Variants in SNED1 observed in about 807,000 individuals in gnomAD.
SNED1 encodes sushi, nidogen and EGF-like domain-containing protein 1.
A neutral mutation model predicts 166.7 loss-of-function variants in SNED1; 81 were observed. The ratio of observed to expected loss-of-function variants is 0.49; its 90% CI spans 0.41 to 0.58. The LOEUF is 0.58. Ranked by LOEUF, SNED1 falls within the 20% of genes least tolerant of loss-of-function variation. The pLI is 0.00. For synonymous variants in SNED1, 762 were observed against 822.0 expected (o/e 0.93, Z 1.25); for missense variants, 1,604 against 2,000.2 (o/e 0.80, Z 3.78).
Position 241,052,069 on chromosome 2 carries a change from C to T in SNED1, c.1881C>T (p.Pro627=). Residue 627 remains proline, a synonymous_variant, in exon 14 of 32, where the codon CCC becomes CCT. Coordinates refer to ENST00000310397, the MANE Select transcript of SNED1 (RefSeq NM_001080437.3). The stretch of plus-strand genomic sequence containing the variant: ...AGCCAGACTCGTGTGCCTCTGGCCC[C>T]TGTCACAACGGCGGCACCTGCTTCC... The part of the protein sequence containing the change: ...IGKPDSCASG[P]CHNGGTCFHY... 6.2e-7 allele frequency: 1 copy of T among 1,613,946 alleles called. No individual in the cohort carries two copies. Among genetic ancestry groups the T allele is most frequent in the Non-Finnish European group, 8.5e-7 (1 of 1,179,864 alleles).
chr2:241,087,701 G>C (rs192541845), intron 30 of SNED1: 6 of 1,364,934 alleles, frequency 4.4e-6, no homozygotes, highest in African/African-American at 1.5e-5. Context: ...TGGGTGCTGG[G>C]GGGGGTCACT....
At position 241,040,373 on chromosome 2, in the gene SNED1, C is replaced by T; in HGVS notation, c.1233C>T (p.Cys411=). The change falls in exon 8 of 32, where the codon TGC becomes TGT. Residue 411 remains cysteine (C), a synonymous_variant. Coordinates refer to ENST00000310397, the MANE Select transcript of SNED1 (RefSeq NM_001080437.3). ...SCVDLVGNYT[C]LCAEPFKGLR... is the part of the protein sequence containing the mutation. Reference sequence around the variant, plus strand: ...TTGACCTAGTGGGGAATTACACCTGCTTGTGTGCCGAGCCCTTCAAGGGAC... The same window carrying T: ...TTGACCTAGTGGGGAATTACACCTGTTTGTGTGCCGAGCCCTTCAAGGGAC... 1 of 1,607,696 alleles carries T rather than the reference C, an allele frequency of 6.2e-7. No homozygotes were observed. The highest frequency in any genetic ancestry group is 8.5e-7 in the Non-Finnish European group (1 of 1,177,154).
At chr2:241,043,572 A>G (rs183510330) in intron 8 of SNED1, among the ~76,000 whole-genome samples, 2 of 152,220 alleles carry the variant, frequency 1.3e-5, no homozygotes, top group Admixed American at 1.3e-4. Flanking sequence ...GGATCTACAC[A>G]AAAGAATGAA....
rs144051198 is a variant in SNED1 at position 241,076,000 on chromosome 2, G to A, written c.3916+2636G>A. ...CATATAAAAGTAGAATTCTGGCGGC[G>A]TCAATTTGATACATCTGTGCCAATA... is the stretch of plus-strand genomic sequence containing the variant. On this transcript the variant is annotated intron_variant, in intron 27 of 31. Transcript: ENST00000310397. This position sits in a 1 kb window ranked among gnomAD's most constrained non-coding sequence, Gnocchi z 4.8. 3.3e-5 allele frequency among the ~76,000 whole-genome samples: 5 copies of A among 152,224 alleles called. No individual in the cohort carries two copies. The highest frequency in any genetic ancestry group is 1.9e-4 in the East Asian group (1 of 5,184).
At chr2:241,047,487 A>C (rs958230573) in intron 8 of SNED1, among the ~76,000 whole-genome samples, 1 of 152,334 alleles carries the variant, frequency 6.6e-6, no homozygotes, top group East Asian at 1.9e-4. Flanking sequence ...GGCTTGGCCT[A>C]CTTGGCATTT....
intron 17 of SNED1, 164 bp from the exon 18 acceptor site, chr2:241,063,423 A>C (rs1340839080): frequency 4.7e-6 from 3 of 633,676 alleles, no homozygotes; most frequent in Non-Finnish European, 8.7e-6. Flanking sequence ...CCTCCCGAGG[A>C]GGGGTGGGTT....
chr2:241,019,462 G>A (rs1049153622), intron 1 of SNED1, among the ~76,000 whole-genome samples: 9 of 152,196 alleles, frequency 5.9e-5, no homozygotes, highest in Admixed American at 1.3e-4. Context: ...ATAACCTGGA[G>A]AGCGGAGACC....
intron 5 of SNED1, 80 bp from the exon 6 acceptor site, chr2:241,037,160 C>A: frequency 7.9e-7 from 1 of 1,271,442 alleles, no homozygotes. Flanking sequence ...CTCCTCCGTC[C>A]CCGGCCCAAC....
rs867393804 is a variant in SNED1, at chr2:241,089,269, T to C, written c.*1+867T>C. 20 of 1,544,052 alleles carry C rather than the reference T, an allele frequency of 1.3e-5. No individual in the cohort carries two copies. In the Middle Eastern group the frequency reaches 1.3e-3, roughly 104 times the overall value. On this transcript the variant is annotated intron_variant, in intron 31 of 31. Transcript: ENST00000310397. ...ACAGCTTTGCTCTTCCTGCCCCTTATAGGAGCCCTCACAGTTCATCTTCCT... is the reference window on the plus strand; with the variant it reads ...ACAGCTTTGCTCTTCCTGCCCCTTACAGGAGCCCTCACAGTTCATCTTCCT...
chr2:241,051,808 C>T lies in SNED1; in HGVS notation c.1800C>T (p.Gly600=). The T allele has an allele frequency of 3.2e-6, 5 of 1,562,220 alleles. No individual in the cohort carries two copies. The highest frequency in any genetic ancestry group is 1.2e-5 in the South Asian group (1 of 84,440). ...RNGGTCKEAG[G]EYHCSCPYRF... is the part of the protein sequence containing the mutation. ...GGGGCACGTGCAAGGAGGCGGGCGG[C>T]GAGTACCACTGCAGCTGCCCCTACC... Residue 600 remains glycine (G), a synonymous_variant, in exon 13 of 32, where the codon GGC becomes GGT. Coordinates refer to ENST00000310397, the MANE Select transcript of SNED1 (RefSeq NM_001080437.3). The surrounding 1 kb of genome is among the most constrained non-coding windows in gnomAD (Gnocchi z 4.7).
At chr2:241,002,574 G>A (rs753659837) in intron 1 of SNED1, among the ~76,000 whole-genome samples, 10 of 152,150 alleles carry the variant, frequency 6.6e-5, no homozygotes, top group South Asian at 2.1e-4. Flanking sequence ...GGCTGGAGTC[G>A]AGGAGGATGC....
At chr2:241,029,488 G>A (rs1333860855) in intron 1 of SNED1, among the ~76,000 whole-genome samples, 1 of 152,092 alleles carries the variant, frequency 6.6e-6, no homozygotes, top group South Asian at 2.1e-4. Flanking sequence ...CCTTCCAAAG[G>A]CCCCACCTGC....
rs145859504 is a variant in SNED1, at chr2:241,076,907, G to A, written c.3916+3543G>A. On this transcript the variant is annotated intron_variant, in intron 27 of 31. Coordinates refer to ENST00000310397, the MANE Select transcript of SNED1 (RefSeq NM_001080437.3). ...GAGATCGAGACCATGGTGAAACCCC[G>A]TCTCTACTAAAAATACAAAAAATTA... 9.8e-3 allele frequency among the ~76,000 whole-genome samples: 1,485 copies of A among 152,218 alleles called. 21 individuals are homozygous for A. Among genetic ancestry groups the A allele is most frequent in the African/African-American group, 0.033 (1,362 of 41,532 alleles).
At chr2:241,021,559 C>A (rs2060774938) in intron 1 of SNED1, among the ~76,000 whole-genome samples, 1 of 152,184 alleles carries the variant, frequency 6.6e-6, no homozygotes, top group Admixed American at 6.5e-5. Context: ...GGACTGGCTT[C>A]TTTCATTTAA....
At chr2:241,074,560 TCAG>T (rs1179763666) in intron 27 of SNED1, 1 of 152,194 alleles carries the variant, frequency 6.6e-6, no homozygotes, top group Non-Finnish European at 1.5e-5. Context: ...CTGGGTCTCT[TCAG>T]CAGGAGAGAT....
At chr2:241,022,589 G>T (rs2060805698) in intron 1 of SNED1, among the ~76,000 whole-genome samples, 1 of 152,032 alleles carries the variant, frequency 6.6e-6, no homozygotes, top group Admixed American at 6.5e-5. Flanking sequence ...CAACAGGTAG[G>T]ATATAGAGGA....
chr2:241,062,518 C>T (rs540753582), intron 16 of SNED1, among the ~76,000 whole-genome samples: 29 of 152,240 alleles, frequency 1.9e-4, no homozygotes, highest in African/African-American at 7.0e-4. Flanking sequence ...GTCCTGTCGG[C>T]CTGAACCACT....
Position 241,021,401 on chromosome 2 carries a change from C to T in SNED1, c.214-8883C>T, listed in dbSNP as rs562534352. ...CCACAATCCATTGTGGAACATTTTTCCTTACCCTGAATAGAAACTCCATGC... is the reference window on the plus strand; with the variant it reads ...CCACAATCCATTGTGGAACATTTTTTCTTACCCTGAATAGAAACTCCATGC... On this transcript the variant is annotated intron_variant, in intron 1 of 31. Coordinates refer to ENST00000310397, the MANE Select transcript of SNED1 (RefSeq NM_001080437.3). 6.2e-4 allele frequency among the ~76,000 whole-genome samples: 95 copies of T among 152,288 alleles called. 1 individual carries two copies. The South Asian group carries it at 8.7e-3, about 14-fold the overall frequency.
chr2:241,053,104 G>T, intron 15 of SNED1, 49 bp from the exon 16 acceptor site: 1 of 1,557,044 alleles, frequency 6.4e-7, no homozygotes, highest in Middle Eastern at 2.1e-4. Context: ...CGGTGGGGAG[G>T]GGCCAGGAAG....
Sources: gnomAD v4.1 joint callset for allele counts (sites outside exome capture counted in the v4.1 genomes callset) on GRCh38, gnomAD v4.1.1 for gene constraint, Gnocchi (gnomAD v3.1) non-coding constraint, MANE v1.5 for transcripts, NCBI Gene and HGNC (gene_info 2026-07-23, HGNC 2026-07-21) for gene names.